The following CEP295 variants were observed in gnomAD, a reference collection of about 807,000 sequenced individuals.
The protein encoded by CEP295 is centrosomal protein of 295 kDa.
CEP295 carries 190 observed loss-of-function variants against 291.6 expected under a neutral mutation model. The observed-to-expected ratio is 0.65, with a 90% CI of 0.58 to 0.73. The LOEUF (loss-of-function observed/expected upper bound fraction) is 0.73. Among genes scored for constraint, CEP295 ranks in the 30% least tolerant of loss-of-function variants. The probability of loss-of-function intolerance (pLI) is 0.00; values close to 1 mark genes in which losing one functional copy is unlikely to be tolerated. For missense variants in CEP295, 2,863 were observed against 2,949.4 expected, an observed-to-expected ratio of 0.97 and a Z score of 0.68; for synonymous variants, 993 against 1,038.8, an observed-to-expected ratio of 0.96 and a Z score of 0.85.
rs1951574910 is a variant in CEP295 at position 93,691,942 on chromosome 11, T to G, written c.1445T>G (p.Leu482Arg). Residue 482 changes from leucine (L) to arginine (R), a missense_variant, in exon 12 of 30, where the codon CTG becomes CGG. This residue lies in a region of CEP295 where 554 missense variants were observed against 576.0 expected (regional missense o/e 0.96). Transcript: ENST00000325212. ...ATTCCCCTAGAAATAAATGAGACTC[T>G]GCCTATCACAACTGTAGCTCAGAGT... ...SGKEQEINET[L>R]PITTVAQSSV... 5.2e-6 allele frequency: 8 copies of G among 1,541,532 alleles called. No individual in the cohort carries two copies. The highest frequency in any genetic ancestry group is 7.0e-6 in the Non-Finnish European group (8 of 1,139,858).
chr11:93,681,310 C>T (rs1375127808), intron 7 of CEP295, among the ~76,000 whole-genome samples: 2 of 148,908 alleles, frequency 1.3e-5, no homozygotes, highest in East Asian at 2.0e-4. Context: ...GATCTTGGCT[C>T]ACTGCAACCT....
chr11:93,688,604 T>C (rs988372509), intron 10 of CEP295, among the ~76,000 whole-genome samples: 2 of 152,148 alleles, frequency 1.3e-5, no homozygotes, highest in African/African-American at 4.8e-5. Context: ...TATTTTCTCT[T>C]GCATTTTCTT....
rs776661823 is a variant in CEP295 at position 93,723,144 on chromosome 11, T to C, written c.6051T>C (p.Ile2017=). 61 of 1,552,096 alleles carry C rather than the reference T, an allele frequency of 3.9e-5. 1 individual carries two copies. In the Middle Eastern group the frequency reaches 8.3e-4, roughly 21 times the overall value. The change falls in exon 21 of 30, where the codon ATT becomes ATC. Residue 2017 remains isoleucine, a synonymous_variant. Coordinates refer to ENST00000325212, the MANE Select transcript of CEP295 (RefSeq NM_033395.2). ...ISSIVPSTQD[I]YQRQNSSDVH... is the part of the protein sequence containing the mutation. ...CCATAGTTCCTTCAACACAAGATAT[T>C]TATCAGCGGCAGAACTCTTCAGACG...
rs1951939035 is a variant in CEP295, at chr11:93,697,999, T to A, written c.3087T>A (p.Leu1029=). 6.4e-7 allele frequency: 1 copy of A among 1,551,718 alleles called. No homozygotes were observed. Among genetic ancestry groups the A allele is most frequent in the East Asian group, 2.4e-5 (1 of 40,920 alleles). ...ATTCATCTAAGAGCGAGAAAGGACT[T>A]GTTTCATGCCAATCTGACATCCCCA... The part of the protein sequence containing the change: ...EQHSSKSEKG[L]VSCQSDIPIS... The change falls in exon 15 of 30, where the codon CTT becomes CTA. Residue 1029 remains leucine, a synonymous_variant. Transcript: ENST00000325212.
At position 93,697,177 on chromosome 11, in the gene CEP295, T is replaced by G. The variant is rs1324683789; in HGVS notation, c.2265T>G (p.Phe755Leu). The G allele has an allele frequency of 6.4e-7, 1 of 1,551,872 alleles. No homozygotes were observed. The highest frequency in any genetic ancestry group is 2.4e-5 in the East Asian group (1 of 40,918). The change falls in exon 15 of 30, where the codon TTT (phenylalanine) becomes TTG (leucine). Residue 755 changes from phenylalanine to leucine, a missense_variant. By Grantham distance (22) the Phe-to-Leu change is conservative. This residue lies in a region of CEP295 where 2,295 missense variants were observed against 2,335.7 expected (regional missense o/e 0.98). Transcript: ENST00000325212. Reference protein sequence around the residue: ...SQDARKISETFGATTFQSLES... With the variant: ...SQDARKISETLGATTFQSLES... Reference sequence around the variant, plus strand: ...ATGCTAGAAAAATATCTGAAACATTTGGGGCAACAACTTTTCAAAGTTTAG... The same window carrying G: ...ATGCTAGAAAAATATCTGAAACATTGGGGGCAACAACTTTTCAAAGTTTAG...
chr11:93,670,524 G>A (rs1250565680), intron 5 of CEP295, among the ~76,000 whole-genome samples: 1 of 152,134 alleles, frequency 6.6e-6, no homozygotes, highest in African/African-American at 2.4e-5. Flanking sequence ...GAAGAATGAA[G>A]TAGAAGTAAA....
chr11:93,691,784 T>G lies in CEP295; in HGVS notation c.1429+9T>G, dbSNP rs891224129. 6.7e-7 allele frequency: 1 copy of G among 1,492,956 alleles called. No individual in the cohort carries two copies. The highest frequency in any genetic ancestry group is 1.4e-5 in the African/African-American group (1 of 71,420). The allele number at this position is 1,492,956 out of a possible 1,614,324, so 92.5% of individuals were successfully genotyped here. On this transcript the variant is annotated intron_variant, in intron 11 of 29. Coordinates refer to ENST00000325212, the MANE Select transcript of CEP295 (RefSeq NM_033395.2). ...CTCTGGAAAAGAACAAGGTATTTCT[T>G]TTTATCACATCCTCAAATTAAATTT...
In CEP295 at chr11:93,702,808, T is replaced by A. The variant is rs1952256874; in HGVS notation, c.5485T>A (p.Ser1829Thr). The A allele has an allele frequency of 6.4e-7, 1 of 1,551,992 alleles. No homozygotes were observed. The highest frequency in any genetic ancestry group is 1.2e-5 in the South Asian group (1 of 84,060). The change falls in exon 17 of 30, where the codon TCC becomes ACC. Residue 1829 changes from serine to threonine, a missense_variant. Ser to Thr is a moderately conservative substitution (Grantham distance 58). Transcript: ENST00000325212. ...TCTGGAGAAAGATCTGGGGAGAAGA[T>A]CCTCAAAGCCACCTGTAGCAAAAGT... ...EHLEKDLGRR[S>T]SKPPVAKVKC... is the part of the protein sequence containing the mutation.
intron 18 of CEP295, among the ~76,000 whole-genome samples, chr11:93,710,922 G>A (rs796867646): frequency 2.0e-5 from 3 of 152,112 alleles, no homozygotes; most frequent in East Asian, 1.9e-4. Flanking sequence ...AGTCTCTAAC[G>A]ATCCTTTAAA....
rs539959072 is a variant in CEP295, at chr11:93,723,317, AT to A, written c.6196+29del. On this transcript the variant is annotated intron_variant, in intron 21 of 29. Transcript: ENST00000325212. Reference sequence around the variant, plus strand: ...AAAATTATTTTAAAGCAATACTTTTATGTAAATTAAGTTTTAAATTTTCACC... The same window carrying A: ...AAAATTATTTTAAAGCAATACTTTTAGTAAATTAAGTTTTAAATTTTCACC... 4.8e-5 allele frequency: 67 copies of A among 1,407,408 alleles called. 1 individual carries two copies. The Middle Eastern group carries it at 8.6e-4, about 18-fold the overall frequency. 87.2% of individuals were successfully genotyped at this position (1,407,408 alleles called of 1,614,324 possible).
chr11:93,670,224 T>A (rs1950371352), intron 5 of CEP295, among the ~76,000 whole-genome samples: 1 of 152,252 alleles, frequency 6.6e-6, no homozygotes, highest in South Asian at 2.1e-4. Flanking sequence ...TTATTTTAAA[T>A]GGTCAATATT....
In CEP295 at chr11:93,723,218, C is replaced by T; in HGVS notation, c.6125C>T (p.Thr2042Ile). Residue 2042 changes from threonine to isoleucine, a missense_variant, in exon 21 of 30, where the codon ACA (threonine) becomes ATA (isoleucine). By Grantham distance (89) the Thr-to-Ile change is moderately conservative. Coordinates refer to ENST00000325212, the MANE Select transcript of CEP295 (RefSeq NM_033395.2). Reference protein sequence around the residue: ...PAVDETTCGHTHFQQMIDKYI... With the variant: ...PAVDETTCGHIHFQQMIDKYI... ...GTGGATGAAACTACATGTGGTCACA[C>T]ACACTTTCAGCAAATGATAGACAAG... 6.4e-7 allele frequency: 1 copy of T among 1,551,118 alleles called. No homozygotes were observed. The highest frequency in any genetic ancestry group is 8.7e-7 in the Non-Finnish European group (1 of 1,146,386).
At chr11:93,704,160 T>G (rs192904955) in intron 17 of CEP295, among the ~76,000 whole-genome samples, 17 of 152,276 alleles carry the variant, frequency 1.1e-4, no homozygotes, top group Non-Finnish European at 1.9e-4. Context: ...CGATCAAATT[T>G]ATCAAAATAA....
chr11:93,718,571 G>A (rs775132971), intron 18 of CEP295, among the ~76,000 whole-genome samples: 5 of 151,972 alleles, frequency 3.3e-5, no homozygotes, highest in Non-Finnish European at 7.4e-5. Context: ...TTACTACCAC[G>A]CAAATGCTGC....
intron 7 of CEP295, among the ~76,000 whole-genome samples, chr11:93,682,058 C>CA (rs1361301772): frequency 2.6e-5 from 4 of 152,056 alleles, no homozygotes; most frequent in Admixed American, 2.6e-4. Context: ...TACACTTACT[C>CA]AAACAACTTT....
rs1951807848 is a variant in CEP295, at chr11:93,695,623, C to G, written c.1660C>G (p.Gln554Glu). ...QLEEEKRKKT[Q>E]PTGVGIAPAS... ...GGAAGAAGAAAAAAGAAAAAAAACT[C>G]AACCGACTGGGGTAGGATGCAGAAA... The change falls in exon 13 of 30, where the codon CAA becomes GAA. Residue 554 changes from glutamine to glutamate, a missense_variant. By Grantham distance (29) the Gln-to-Glu change is conservative. Coordinates refer to ENST00000325212, the MANE Select transcript of CEP295 (RefSeq NM_033395.2). The G allele has an allele frequency of 1.3e-6, 2 of 1,490,358 alleles. No individual in the cohort carries two copies. The highest frequency in any genetic ancestry group is 1.4e-5 in the South Asian group (1 of 73,948). 92.3% of individuals were successfully genotyped at this position (1,490,358 alleles called of 1,614,324 possible).
At chr11:93,680,003 A>C (rs373062176) in intron 7 of CEP295, among the ~76,000 whole-genome samples, 24 of 152,336 alleles carry the variant, frequency 1.6e-4, no homozygotes, top group Middle Eastern at 6.8e-3. Flanking sequence ...TAGGCCAGGC[A>C]TGGTGGCTCA....
intron 12 of CEP295, 118 bp from the exon 13 acceptor site, chr11:93,695,379 C>T (rs1265269822): frequency 1.7e-6 from 1 of 598,744 alleles, no homozygotes; most frequent in Non-Finnish European, 2.6e-6. Flanking sequence ...TCAACACTTA[C>T]TTCTTTGAAA....
At chr11:93,722,762 ATT>A in intron 20 of CEP295, 3 of 279,342 alleles carry the variant, frequency 1.1e-5, no homozygotes, top group South Asian at 5.2e-5. Flanking sequence ...TGTCAATTAC[ATT>A]TTTTTTTCTT....
Sources: gnomAD v4.1 joint callset for allele counts (sites outside exome capture counted in the v4.1 genomes callset) on GRCh38, gnomAD v4.1.1 for gene constraint, gnomAD v4.1.1 regional missense constraint, MANE v1.5 for transcripts, NCBI Gene and HGNC (gene_info 2026-07-23, HGNC 2026-07-21) for gene names.